MED12L: variants seen among roughly 807,000 people sequenced by gnomAD.
MED12L encodes mediator of RNA polymerase II transcription subunit 12-like protein.
In MED12L, 60 loss-of-function variants were observed where a neutral mutation model predicts 281.3. That is an observed-to-expected ratio of 0.21 (90% confidence interval 0.17 to 0.26). MED12L has a LOEUF of 0.26. Ranked by LOEUF, MED12L falls within the 10% of genes least tolerant of loss-of-function variation. The probability of loss-of-function intolerance (pLI) is 1.00; values close to 1 mark genes in which losing one functional copy is unlikely to be tolerated. For missense variants in MED12L, 2,146 were observed against 2,680.9 expected (o/e 0.80, Z 4.41); for synonymous variants, 974 against 987.2 (o/e 0.99, Z 0.25).
chr3:151,383,942 T>C, intron 34 of MED12L, 54 bp downstream of exon 34: 1 of 1,524,964 alleles, frequency 6.6e-7, no homozygotes. Context: ...TGGTATAAGC[T>C]TTGATATACT....
intron 16 of MED12L, chr3:151,338,734 C>CA: frequency 6.2e-7 from 1 of 1,610,598 alleles, no homozygotes; most frequent in Non-Finnish European, 8.5e-7. Flanking sequence ...ATAAGTCCAA[C>CA]AAAAAACAGG....
Position 151,404,489 on chromosome 3 carries a change from T to C in MED12L, c.5821-4754T>C, listed in dbSNP as rs565624766. 8.5e-5 allele frequency among the ~76,000 whole-genome samples: 13 copies of C among 152,352 alleles called. No homozygotes were observed. The East Asian group carries it at 2.3e-3, about 27-fold the overall frequency. ...ATTTCCTCTCTCTGTTGTCTGCAGT[T>C]GAAATAAACCAGTATGATGTAATGA... is the stretch of plus-strand genomic sequence containing the variant. On this transcript the variant is annotated intron_variant, in intron 39 of 44. Coordinates refer to ENST00000687756, the MANE Select transcript of MED12L (RefSeq NM_001393769.1).
intron 16 of MED12L, among the ~76,000 whole-genome samples, chr3:151,346,190 G>C (rs567626089): frequency 1.3e-5 from 2 of 151,838 alleles, no homozygotes; most frequent in Admixed American, 1.3e-4. Context: ...TTTTTTTCCC[G>C]ATGGTCAAGT....
chr3:151,254,028 A>G (rs1205394669), intron 16 of MED12L, among the ~76,000 whole-genome samples: 1 of 95,816 alleles, frequency 1.0e-5, no homozygotes, highest in Non-Finnish European at 2.3e-5. Flanking sequence ...TTAAACTTTT[A>G]AGATTTATCA....
At chr3:151,404,712 T>C (rs1716085208) in intron 39 of MED12L, among the ~76,000 whole-genome samples, 1 of 152,252 alleles carries the variant, frequency 6.6e-6, no homozygotes, top group Admixed American at 6.5e-5. Context: ...CTGTGGTTTT[T>C]ATAGATATAA....
At position 151,118,972 on chromosome 3, in the gene MED12L, C is replaced by T. The variant is rs192036289; in HGVS notation, c.204+2530C>T. Among the ~76,000 whole-genome samples the T allele has an allele frequency of 2.2e-3, 339 of 152,326 alleles. 8 individuals are homozygous for T. In the South Asian group the frequency reaches 0.058, roughly 26 times the overall value. ...AAAGTGCTGGGATTACAGATGTGAGCCACTGTGCCCGGCCTCAGAGCCTTA... is the reference window on the plus strand; with the variant it reads ...AAAGTGCTGGGATTACAGATGTGAGTCACTGTGCCCGGCCTCAGAGCCTTA... On this transcript the variant is annotated intron_variant, in intron 3 of 44. Transcript: ENST00000687756.
At chr3:151,156,361 G>C (rs769264291) in intron 6 of MED12L, 31 bp downstream of exon 6, 20 of 1,550,100 alleles carry the variant, frequency 1.3e-5, no homozygotes, top group Non-Finnish European at 1.7e-5. Flanking sequence ...AGAGTTGTGT[G>C]CAATGCTTTT....
At chr3:151,392,416 G>T (rs1480836479) in intron 38 of MED12L, among the ~76,000 whole-genome samples, 1 of 135,932 alleles carries the variant, frequency 7.4e-6, no homozygotes, top group East Asian at 2.3e-4. Flanking sequence ...CTTGAACTGA[G>T]ATTGCATCAT....
chr3:151,201,959 G>A (rs186761343), intron 16 of MED12L, among the ~76,000 whole-genome samples: 12 of 152,306 alleles, frequency 7.9e-5, no homozygotes, highest in Admixed American at 2.0e-4. Context: ...TCAATGAGAC[G>A]TATATGGTAA....
intron 8 of MED12L, among the ~76,000 whole-genome samples, chr3:151,160,890 C>T (rs575049748): frequency 6.6e-6 from 1 of 152,170 alleles, no homozygotes; most frequent in East Asian, 1.9e-4. Flanking sequence ...TTTAGTTCTT[C>T]GAATGAGTTG....
At chr3:151,147,726 A>G (rs1717928744) in intron 5 of MED12L, among the ~76,000 whole-genome samples, 1 of 152,218 alleles carries the variant, frequency 6.6e-6, no homozygotes, top group South Asian at 2.1e-4. Context: ...GTTCCATTGT[A>G]TGCATATGCC....
At chr3:151,328,650 G>A (rs1215665537) in intron 16 of MED12L, 1 of 1,613,890 alleles carries the variant, frequency 6.2e-7, no homozygotes. Flanking sequence ...AAGGCTATGA[G>A]CCCTAACAGC....
chr3:151,305,164 G>T (rs538409315), intron 16 of MED12L, among the ~76,000 whole-genome samples: 2 of 152,330 alleles, frequency 1.3e-5, no homozygotes, highest in African/African-American at 4.8e-5. Context: ...CACTTGCAGG[G>T]TGTTGCAAGG....
intron 22 of MED12L, among the ~76,000 whole-genome samples, chr3:151,365,590 T>C (rs1755175091): frequency 6.6e-6 from 1 of 152,240 alleles, no homozygotes. Flanking sequence ...CTCAGATTTA[T>C]TCACGAAACT....
rs1754034076 is a variant in MED12L at position 151,357,146 on chromosome 3, A to G, written c.2662-67A>G. 12 of 1,362,828 alleles carry G rather than the reference A, an allele frequency of 8.8e-6. No individual in the cohort carries two copies. In the South Asian group the frequency reaches 1.6e-4, roughly 18 times the overall value. The allele number at this position is 1,362,828 out of a possible 1,614,324, so 84.4% of individuals were successfully genotyped here. A position where few individuals can be genotyped will look rare whatever the true frequency, so the allele number is the denominator to read the frequency against. On this transcript the variant is annotated intron_variant, in intron 19 of 44. Coordinates refer to ENST00000687756, the MANE Select transcript of MED12L (RefSeq NM_001393769.1). Reference sequence around the variant, plus strand: ...ATGACTCAGTATATCTATGGTTTATAAAAATAAATGTTTTCTCTATTTGTT... The same window carrying G: ...ATGACTCAGTATATCTATGGTTTATGAAAATAAATGTTTTCTCTATTTGTT...
rs66791814 is a variant in MED12L at position 151,435,062 on chromosome 3, C to CTTTT, written c.*2275_*2278dup. On this transcript the variant is annotated 3_prime_UTR_variant, in exon 45 of 45. Coordinates refer to ENST00000687756, the MANE Select transcript of MED12L (RefSeq NM_001393769.1). ...GTTAATTCTGTATCTTGAGAGGTTT[C>CTTTT]TTTTTTTTTTTTTTTTTTTTCTTTT... 1,247 of 118,282 alleles carry CTTTT rather than the reference C, an allele frequency of 0.011. No homozygotes were observed. Among genetic ancestry groups the CTTTT allele is most frequent in the Non-Finnish European group, 0.013 (735 of 56,784 alleles). 7.3% of individuals were successfully genotyped at this position (118,282 alleles called of 1,614,324 possible).
intron 4 of MED12L, among the ~76,000 whole-genome samples, chr3:151,125,318 G>C (rs148247310): frequency 1.6e-4 from 25 of 152,318 alleles, no homozygotes; most frequent in African/African-American, 5.3e-4. Context: ...CCGAAGTCTT[G>C]ATTTGCATCA....
chr3:151,157,012 G>T (rs528504378), intron 6 of MED12L, among the ~76,000 whole-genome samples: 4 of 152,168 alleles, frequency 2.6e-5, no homozygotes, highest in Admixed American at 6.5e-5. Context: ...CTTCTAAGAG[G>T]TCAACATAGG....
intron 5 of MED12L, among the ~76,000 whole-genome samples, chr3:151,140,660 G>T (rs185319462): frequency 6.8e-6 from 1 of 147,808 alleles, no homozygotes; most frequent in Non-Finnish European, 1.5e-5. Flanking sequence ...GTATGCCCAT[G>T]ATAGTTTTTG....
Sources: allele counts gnomAD v4.1 joint callset (sites outside exome capture counted in the v4.1 genomes callset), GRCh38; gene constraint gnomAD v4.1.1; transcripts MANE v1.5; gene names NCBI Gene and HGNC (gene_info 2026-07-23, HGNC 2026-07-21).